The following HDAC4 variants were observed in gnomAD, a reference collection of about 807,000 sequenced individuals.
HDAC4 encodes the protein histone deacetylase A.
A neutral mutation model predicts 135.1 loss-of-function variants in HDAC4; 16 were observed. The observed-to-expected ratio is 0.12, with a 90% CI of 0.08 to 0.18. The LOEUF (loss-of-function observed/expected upper bound fraction) is 0.18, where lower values mean the gene tolerates loss of function less well. HDAC4 is among the 10% of genes least tolerant of loss of function. The probability of loss-of-function intolerance (pLI) is 1.00; values close to 1 mark genes in which losing one functional copy is unlikely to be tolerated. For synonymous variants in HDAC4, 685 were observed against 653.4 expected (o/e 1.05, Z -0.74); for missense variants, 1,143 against 1,511.8 (o/e 0.76, Z 4.05).
intron 1 of HDAC4, among the ~76,000 whole-genome samples, chr2:239,396,047 C>G (rs1191238264): frequency 6.6e-6 from 1 of 152,134 alleles, no homozygotes; most frequent in African/African-American, 2.4e-5. Context: ...CAAAATCACA[C>G]CTCACTGCAA....
intron 3 of HDAC4, among the ~76,000 whole-genome samples, chr2:239,192,586 C>G (rs1202287726): frequency 6.6e-6 from 1 of 152,124 alleles, no homozygotes; most frequent in African/African-American, 2.4e-5. Context: ...GCTGTGGGCA[C>G]TGGGGGCTAC....
Position 239,052,285 on chromosome 2 carries a change from G to A in HDAC4, c.*812C>T, listed in dbSNP as rs1219716573. ...CGTGCTTGAGGCGTCAGGCCAGCTC[G>A]CGGTGCCAGCACTGCCAGGCTCGGC... On this transcript the variant is annotated 3_prime_UTR_variant, in exon 27 of 27. Transcript: ENST00000543185. 9 of 152,374 alleles carry A rather than the reference G, an allele frequency of 5.9e-5. No individual in the cohort carries two copies. In the East Asian group the frequency reaches 1.2e-3, roughly 20 times the overall value. The allele number at this position is 152,374 out of a possible 1,614,324, so 9.4% of individuals were successfully genotyped here. A position where few individuals can be genotyped will look rare whatever the true frequency, so the allele number is the denominator to read the frequency against.
In HDAC4 at chr2:239,195,043, G is replaced by T. The variant is rs56900970; in HGVS notation, c.95-4966C>A. Among the ~76,000 whole-genome samples, 3 of 152,184 alleles carry T rather than the reference G, an allele frequency of 2.0e-5. No homozygotes were observed. In the East Asian group the frequency reaches 5.8e-4, roughly 29 times the overall value. On this transcript the variant is annotated intron_variant, in intron 3 of 26. Coordinates refer to ENST00000543185, the MANE Select transcript of HDAC4 (RefSeq NM_001378414.1). ...CAGAGCAGCCACCTTCTGCTGAGAAGGAGCCTGGACTCACTGGCACAGTGC... is the reference window on the plus strand; with the variant it reads ...CAGAGCAGCCACCTTCTGCTGAGAATGAGCCTGGACTCACTGGCACAGTGC...
intron 22 of HDAC4, among the ~76,000 whole-genome samples, chr2:239,069,759 G>A (rs1434485143): frequency 6.9e-6 from 1 of 144,632 alleles, no homozygotes; most frequent in East Asian, 2.1e-4. Context: ...GAGTCACAGT[G>A]CAAGCCAGCA....
chr2:239,055,001 T>TTATTTATTA (rs56329701), intron 24 of HDAC4, among the ~76,000 whole-genome samples, 168 bp from the exon 25 acceptor site: 14 of 151,540 alleles, frequency 9.2e-5, no homozygotes, highest in African/African-American at 3.4e-4. Context: ...GCCGTGGTAT[T>TTATTTATTA]TATAATTTTT....
intron 24 of HDAC4, among the ~76,000 whole-genome samples, chr2:239,061,835 C>T (rs57266868): frequency 0.033 from 4,989 of 152,334 alleles, 261 homozygotes; most frequent in African/African-American, 0.11. Context: ...ATGTCTTCCA[C>T]GAATCCTGGA....
chr2:239,214,654 C>T (rs970752411), intron 3 of HDAC4, among the ~76,000 whole-genome samples: 3 of 152,228 alleles, frequency 2.0e-5, no homozygotes, highest in Non-Finnish European at 4.4e-5. Flanking sequence ...TGTGAGCAGC[C>T]GCCAGGCTCA....
At position 239,161,938 on chromosome 2, in the gene HDAC4, G is replaced by A. The variant is rs74003737; in HGVS notation, c.611+1865C>T. On this transcript the variant is annotated intron_variant, in intron 6 of 26. Transcript: ENST00000543185. ...TTGACTGCAGGTGCAGCCTTTCCTT[G>A]GGCCTGCTGCTCCGTCCTCCCCTCA... The A allele has an allele frequency of 8.3e-3, 3,078 of 369,164 alleles. 94 individuals are homozygous for A. The highest frequency in any genetic ancestry group is 0.061 in the African/African-American group (2,866 of 47,246). 22.9% of individuals were successfully genotyped at this position (369,164 alleles called of 1,614,324 possible).
chr2:239,240,500 G>A lies in HDAC4; in HGVS notation c.23-3836C>T, dbSNP rs1331153213. The stretch of plus-strand genomic sequence containing the variant: ...GGTGCTAAGAACCCAGCGTTTACAA[G>A]CAGGAAAATAATGAAGATGGGAAGC... On this transcript the variant is annotated intron_variant, in intron 2 of 26. Transcript: ENST00000543185. The surrounding 1 kb of genome is among the most constrained non-coding windows in gnomAD (Gnocchi z 4.5). 1.3e-5 allele frequency among the ~76,000 whole-genome samples: 2 copies of A among 152,194 alleles called. No homozygotes were observed. The highest frequency in any genetic ancestry group is 4.8e-5 in the African/African-American group (2 of 41,432).
At chr2:239,132,500 A>T (rs976516636) in intron 11 of HDAC4, among the ~76,000 whole-genome samples, 1 of 152,212 alleles carries the variant, frequency 6.6e-6, no homozygotes, top group Non-Finnish European at 1.5e-5. Flanking sequence ...AGGCCAGAGC[A>T]AGCTGGGCAA....
chr2:239,263,447 G>C (rs954602340), intron 2 of HDAC4, among the ~76,000 whole-genome samples: 4 of 152,066 alleles, frequency 2.6e-5, no homozygotes, highest in African/African-American at 9.7e-5. Context: ...CTGCCCCATG[G>C]GCCTCACTGC....
chr2:239,096,069 C>A (rs995515288), intron 16 of HDAC4, among the ~76,000 whole-genome samples: 3 of 152,152 alleles, frequency 2.0e-5, no homozygotes, highest in Non-Finnish European at 4.4e-5. Flanking sequence ...ACAGTAGCCT[C>A]CACTCTGTGT....
intron 4 of HDAC4, among the ~76,000 whole-genome samples, chr2:239,187,779 T>G (rs3791552): frequency 6.6e-6 from 1 of 151,932 alleles, no homozygotes; most frequent in African/African-American, 2.4e-5. Context: ...TAAACTCGAG[T>G]GTGCTTGTTA....
At chr2:239,347,201 T>G (rs1339104904) in intron 2 of HDAC4, among the ~76,000 whole-genome samples, 2 of 152,200 alleles carry the variant, frequency 1.3e-5, no homozygotes, top group Non-Finnish European at 2.9e-5. Context: ...ATTTCTATAT[T>G]AAAATATAAT....
intron 2 of HDAC4, among the ~76,000 whole-genome samples, chr2:239,295,835 T>G (rs1230484760): frequency 6.6e-6 from 1 of 152,172 alleles, no homozygotes; most frequent in Admixed American, 6.5e-5. Flanking sequence ...GGCAGCTGTC[T>G]CTCCAAACCA....
chr2:239,252,347 C>A (rs1167110179), intron 2 of HDAC4, among the ~76,000 whole-genome samples: 3 of 152,242 alleles, frequency 2.0e-5, no homozygotes, highest in Non-Finnish European at 4.4e-5. Flanking sequence ...TAAGCACCCA[C>A]AAACGTACTC....
At chr2:239,130,190 C>T (rs557759861) in intron 11 of HDAC4, among the ~76,000 whole-genome samples, 4 of 152,340 alleles carry the variant, frequency 2.6e-5, no homozygotes, top group South Asian at 4.1e-4. Flanking sequence ...GCTCTGGATT[C>T]GCTTGGACCA....
intron 12 of HDAC4, among the ~76,000 whole-genome samples, chr2:239,119,878 C>A (rs895584668): frequency 1.3e-5 from 2 of 152,150 alleles, no homozygotes; most frequent in African/African-American, 4.8e-5. Flanking sequence ...GGCAGCAGGG[C>A]CGGGCAGAGG....
At chr2:239,117,307 G>A (rs554313539) in intron 12 of HDAC4, among the ~76,000 whole-genome samples, 1 of 152,298 alleles carries the variant, frequency 6.6e-6, no homozygotes, top group South Asian at 2.1e-4. Flanking sequence ...ACAGGCCAGA[G>A]GTTGAAAGGG....
Sources: allele counts gnomAD v4.1 joint callset (sites outside exome capture counted in the v4.1 genomes callset), GRCh38; gene constraint gnomAD v4.1.1; non-coding constraint Gnocchi (gnomAD v3.1); transcripts MANE v1.5; gene names NCBI Gene and HGNC (gene_info 2026-07-23, HGNC 2026-07-21).